ARHGEF16: variants seen among roughly 807,000 people sequenced by gnomAD.
ARHGEF16 encodes Rho guanine exchange factor (GEF) 16.
Under a neutral mutation model 74.1 loss-of-function variants are expected in ARHGEF16, and 59 were observed. The ratio of observed to expected loss-of-function variants is 0.80; its 90% confidence interval spans 0.65 to 0.99. The LOEUF is 0.99. Ranked by LOEUF, ARHGEF16 falls within the 50% of genes least tolerant of loss-of-function variation. The pLI is 0.00. For synonymous variants in ARHGEF16, 415 were observed against 412.6 expected, an observed-to-expected ratio of 1.01 and a Z score of -0.07; for missense variants, 948 against 986.6, an observed-to-expected ratio of 0.96 and a Z score of 0.52.
Position 3,469,486 on chromosome 1 carries a change from C to T in ARHGEF16, c.915C>T (p.Ile305=). ...SEFSYQHSLS[I]LVEEFLQSKE... ...TCTCCTACCAGCACAGCCTGAGCAT[C>T]CTGGTGGAGGAGTTCCTGCAGTCCA... The change falls in exon 6 of 15, where the codon ATC becomes ATT. Residue 305 remains isoleucine, a synonymous_variant. Transcript: ENST00000378378. 6.2e-7 allele frequency: 1 copy of T among 1,613,238 alleles called. No homozygotes were observed. Among genetic ancestry groups the T allele is most frequent in the Non-Finnish European group, 8.5e-7 (1 of 1,179,994 alleles).
chr1:3,466,751 C>G (rs948265038), intron 3 of ARHGEF16, among the ~76,000 whole-genome samples: 1 of 152,196 alleles, frequency 6.6e-6, no homozygotes, highest in Non-Finnish European at 1.5e-5. Context: ...GCTAAGGCCT[C>G]GAGTGCCCAG....
chr1:3,480,839 G>A lies in ARHGEF16; in HGVS notation c.*252G>A. 1 of 434,982 alleles carries A rather than the reference G, an allele frequency of 2.3e-6. No homozygotes were observed. Among genetic ancestry groups the A allele is most frequent in the East Asian group, 3.6e-5 (1 of 27,764 alleles). The allele number at this position is 434,982 out of a possible 1,614,324, so 26.9% of individuals were successfully genotyped here. A position where few individuals can be genotyped will look rare whatever the true frequency, so the allele number is the denominator to read the frequency against. ...CAGGGAGCCCAGCCTATTCCCGTTG[G>A]CTGGCTGGGCCCCTCAGCTGCTGGG... On this transcript the variant is annotated 3_prime_UTR_variant, in exon 15 of 15. Transcript: ENST00000378378.
chr1:3,464,770 T>A (rs1639497369), intron 2 of ARHGEF16, among the ~76,000 whole-genome samples: 1 of 152,188 alleles, frequency 6.6e-6, no homozygotes, highest in Non-Finnish European at 1.5e-5. Flanking sequence ...CCTCTGGGCA[T>A]CCTCTGGGCA....
At chr1:3,469,690 T>G (rs1639651369) in intron 6 of ARHGEF16, 97 bp downstream of exon 6, 2 of 1,487,658 alleles carry the variant, frequency 1.3e-6, no homozygotes, top group Non-Finnish European at 1.8e-6. Context: ...CCTGGGAGCC[T>G]GCGCTGCACC....
intron 2 of ARHGEF16, among the ~76,000 whole-genome samples, chr1:3,464,213 G>A (rs996347495): frequency 3.9e-5 from 6 of 152,302 alleles, no homozygotes; most frequent in South Asian, 2.1e-4. Context: ...GCATGGTGGC[G>A]GCAGACCCTT....
chr1:3,475,952 G>T lies in ARHGEF16; in HGVS notation c.1381-18G>T. 1.3e-6 allele frequency: 2 copies of T among 1,547,552 alleles called. No homozygotes were observed. Among genetic ancestry groups the T allele is most frequent in the Non-Finnish European group, 1.7e-6 (2 of 1,145,388 alleles). On this transcript the variant is annotated intron_variant, in intron 9 of 14. Transcript: ENST00000378378. Reference sequence around the variant, plus strand: ...GCCCTGTAGCACCAGCCTCTCACACGGGAACCATGCCCTGCAGCTGGTGAG... The same window carrying T: ...GCCCTGTAGCACCAGCCTCTCACACTGGAACCATGCCCTGCAGCTGGTGAG...
Position 3,466,210 on chromosome 1 carries a change from G to A in ARHGEF16, c.634+17G>A, listed in dbSNP as rs1230381726. On this transcript the variant is annotated intron_variant, in intron 3 of 14. Coordinates refer to ENST00000378378, the MANE Select transcript of ARHGEF16 (RefSeq NM_014448.4). ...TCAAGGACGGTGAGTGTGGCTTCGG[G>A]AGGCACCGCGGGCTGGGCTCCAGTT... 1.6e-5 allele frequency: 25 copies of A among 1,536,018 alleles called. No homozygotes were observed. Among genetic ancestry groups the A allele is most frequent in the Admixed American group, 2.1e-5 (1 of 48,152 alleles).
rs1487824319 is a variant in ARHGEF16, at chr1:3,468,865, C to T, written c.805-15C>T. 1.2e-5 allele frequency: 19 copies of T among 1,550,306 alleles called. No individual in the cohort carries two copies. Among genetic ancestry groups the T allele is most frequent in the African/African-American group, 6.8e-5 (5 of 73,148 alleles). On this transcript the variant is annotated splice_polypyrimidine_tract_variant and intron_variant, in intron 4 of 14. Coordinates refer to ENST00000378378, the MANE Select transcript of ARHGEF16 (RefSeq NM_014448.4). Reference sequence around the variant, plus strand: ...GGACGTGTGACCGAGAGCTCCTGGGCCTGTGTCCCCCCAGGTGGTGGAATT... The same window carrying T: ...GGACGTGTGACCGAGAGCTCCTGGGTCTGTGTCCCCCCAGGTGGTGGAATT...
intron 10 of ARHGEF16, among the ~76,000 whole-genome samples, chr1:3,477,496 T>A (rs1639918440): frequency 1.3e-5 from 2 of 149,500 alleles, no homozygotes; most frequent in South Asian, 4.3e-4. Context: ...CAACCCTCCC[T>A]CGGGGCTGAG....
intron 13 of ARHGEF16, 92 bp from the exon 14 acceptor site, chr1:3,479,720 G>GGCCCCA: frequency 6.4e-7 from 1 of 1,559,800 alleles, no homozygotes; most frequent in Non-Finnish European, 8.8e-7. Context: ...GGGGTGCCCC[G>GGCCCCA]GCCCCGGGGG....
At chr1:3,468,607 C>G (rs1639614754) in intron 4 of ARHGEF16, 1 of 498,284 alleles carries the variant, frequency 2.0e-6, no homozygotes, top group African/African-American at 1.9e-5. Flanking sequence ...CCTCTGGCCT[C>G]TCCCTCTGGA....
chr1:3,480,701 GC>G lies in ARHGEF16; in HGVS notation c.*115del, dbSNP rs2100765352. 1 of 1,379,474 alleles carries G rather than the reference GC, an allele frequency of 7.2e-7. No individual in the cohort carries two copies. Among genetic ancestry groups the G allele is most frequent in the East Asian group, 2.5e-5 (1 of 40,182 alleles). 85.5% of individuals were successfully genotyped at this position (1,379,474 alleles called of 1,614,324 possible). ...CAAGGACCCAGCATGGTTCCCTGGG[GC>G]TTCCCAAGAGCCTGTGGCTGTGGTG... On this transcript the variant is annotated 3_prime_UTR_variant, in exon 15 of 15. Transcript: ENST00000378378.
Position 3,467,277 on chromosome 1 carries a change from C to A in ARHGEF16, c.744C>A (p.Asp248Glu), listed in dbSNP as rs376771674. 1 of 1,550,394 alleles carries A rather than the reference C, an allele frequency of 6.4e-7. No homozygotes were observed. The highest frequency in any genetic ancestry group is 1.2e-5 in the South Asian group (1 of 84,062). ...SSSPEGTQKV[D>E]ATIVVKSYRP... ...GCCCCGAGGGAACCCAGAAGGTGGA[C>A]GCCACCATTGTGGTCAAGAGCTACC... Residue 248 changes from aspartate (D) to glutamate (E), a missense_variant, in exon 4 of 15, where the codon GAC becomes GAA. Coordinates refer to ENST00000378378, the MANE Select transcript of ARHGEF16 (RefSeq NM_014448.4).
At chr1:3,473,922 C>G (rs1569869962) in intron 8 of ARHGEF16, 1 of 296,528 alleles carries the variant, frequency 3.4e-6, no homozygotes, top group East Asian at 9.3e-5. Context: ...CAGAGAGGGG[C>G]TCAGAGAGGC....
chr1:3,476,208 G>A, intron 10 of ARHGEF16, 146 bp downstream of exon 10: 1 of 817,226 alleles, frequency 1.2e-6, no homozygotes. Context: ...GCCTCCTAGG[G>A]CTGGTGGCTC....
chr1:3,480,771 G>A lies in ARHGEF16; in HGVS notation c.*184G>A, dbSNP rs1255007290. ...ACGGAAGGAAGATCACATGTCCCCA[G>A]AGAGGCACCCCCAGGCAAGCTCGAG... On this transcript the variant is annotated 3_prime_UTR_variant, in exon 15 of 15. Coordinates refer to ENST00000378378, the MANE Select transcript of ARHGEF16 (RefSeq NM_014448.4). The A allele has an allele frequency of 8.2e-6, 7 of 852,282 alleles. No homozygotes were observed. Among genetic ancestry groups the A allele is most frequent in the African/African-American group, 1.7e-5 (1 of 58,368 alleles). 52.8% of individuals were successfully genotyped at this position (852,282 alleles called of 1,614,324 possible).
At position 3,474,685 on chromosome 1, in the gene ARHGEF16, T is replaced by C. The variant is rs59760512; in HGVS notation, c.1306-23T>C. ...CTGGGATGCCAGAGGGGACTTTCTGTCCCATGTCTGTTGTCCATCCAGACG... is the reference window on the plus strand; with the variant it reads ...CTGGGATGCCAGAGGGGACTTTCTGCCCCATGTCTGTTGTCCATCCAGACG... On this transcript the variant is annotated intron_variant, in intron 8 of 14. Transcript: ENST00000378378. 14,325 of 1,608,620 alleles carry C rather than the reference T, an allele frequency of 8.9e-3. 1,009 individuals carry two copies. The African/African-American group carries it at 0.16, about 18-fold the overall frequency.
Position 3,463,576 on chromosome 1 carries a change from A to T in ARHGEF16, c.492A>T (p.Pro164=). The stretch of plus-strand genomic sequence containing the variant: ...CGGCCATGAAGGGCCTGGGGAAGCC[A>T]GGTGGCCAGGGAGATGCCATCCAGC... ...YRAAMKGLGK[P]GGQGDAIQLS... Residue 164 remains proline (P), a synonymous_variant, in exon 2 of 15, where the codon CCA becomes CCT. Transcript: ENST00000378378. 6.9e-7 allele frequency: 1 copy of T among 1,450,552 alleles called. No individual in the cohort carries two copies. The highest frequency in any genetic ancestry group is 9.1e-7 in the Non-Finnish European group (1 of 1,097,916). The allele number at this position is 1,450,552 out of a possible 1,614,324, so 89.9% of individuals were successfully genotyped here.
rs1017542098 is a variant in ARHGEF16 at position 3,479,595 on chromosome 1, G to A, written c.1888+5G>A. ...AGGGCCTCTCCAGCAAAGGAGGTGA[G>A]TGCGGGCTGGGGCCTGCAGGGCTGG... On this transcript the variant is annotated splice_donor_5th_base_variant and intron_variant, in intron 13 of 14. Coordinates refer to ENST00000378378, the MANE Select transcript of ARHGEF16 (RefSeq NM_014448.4). 7 of 1,610,468 alleles carry A rather than the reference G, an allele frequency of 4.3e-6. No individual in the cohort carries two copies. The highest frequency in any genetic ancestry group is 5.1e-6 in the Non-Finnish European group (6 of 1,179,058).
Sources: allele counts gnomAD v4.1 joint callset (sites outside exome capture counted in the v4.1 genomes callset), GRCh38; gene constraint gnomAD v4.1.1; transcripts MANE v1.5; gene names NCBI Gene and HGNC (gene_info 2026-07-23, HGNC 2026-07-21).